Variants in CELF2 observed in about 807,000 individuals in gnomAD.
CELF2 encodes CUGBP Elav-like family member 2, also known as CUG triplet repeat RNA-binding protein 2.
In CELF2, 8 loss-of-function variants were observed where a neutral mutation model predicts 62.6. That is an observed-to-expected ratio of 0.13 (90% CI 0.07 to 0.23). The LOEUF (loss-of-function observed/expected upper bound fraction) is 0.23, where lower values mean the gene tolerates loss of function less well. Among genes scored for constraint, CELF2 ranks in the 10% least tolerant of loss-of-function variants. The pLI is 1.00. For missense variants in CELF2, 333 were observed against 671.0 expected, an observed-to-expected ratio of 0.50 and a Z score of 5.56; for synonymous variants, 258 against 250.0, an observed-to-expected ratio of 1.03 and a Z score of -0.30.
At chr10:11,209,457 A>G (rs1043005533) in intron 2 of CELF2, among the ~76,000 whole-genome samples, 1 of 151,912 alleles carries the variant, frequency 6.6e-6, no homozygotes, top group East Asian at 1.9e-4. Flanking sequence ...AGGATCTCAT[A>G]TCATGTCCTG....
In CELF2 at chr10:11,315,547, C is replaced by T. The variant is rs2938015; in HGVS notation, c.1096+1289C>T. On this transcript the variant is annotated intron_variant, in intron 10 of 12. Coordinates refer to ENST00000633077, the MANE Select transcript of CELF2 (RefSeq NM_001326342.2). The surrounding 1 kb of genome is among the most constrained non-coding windows in gnomAD (Gnocchi z 5.8). ...TTGTATAATCCTGATAAATCATTTT[C>T]AGAATTAGGACATTTTTCAGGTTTT... Among the ~76,000 whole-genome samples the T allele has an allele frequency of 0.36, 55,051 of 152,004 alleles. 11,047 individuals are homozygous for T. Among genetic ancestry groups the T allele is most frequent in the African/African-American group, 0.52 (21,737 of 41,438 alleles).
At chr10:10,497,035 A>T in the CELF2 span, among the ~76,000 whole-genome samples, 5 of 152,130 alleles carry the variant, frequency 3.3e-5, no homozygotes, top group East Asian at 7.7e-4. Flanking sequence ...ACTAAAAAAT[A>T]CAAAAATTAG....
the CELF2 span, among the ~76,000 whole-genome samples, chr10:10,620,917 C>CA: frequency 0.29 from 10,483 of 35,902 alleles, 1,802 homozygotes; most frequent in South Asian, 0.37. Flanking sequence ...GACCCCATCT[C>CA]AAAAAAAAAA....
chr10:11,322,569 C>T (rs1316381928), intron 11 of CELF2, among the ~76,000 whole-genome samples: 1 of 151,634 alleles, frequency 6.6e-6, no homozygotes, highest in Non-Finnish European at 1.5e-5. Context: ...CTTTTACCCT[C>T]ACCCCATAGC....
At chr10:10,534,612 T>C in the CELF2 span, among the ~76,000 whole-genome samples, 7 of 152,364 alleles carry the variant, frequency 4.6e-5, no homozygotes, top group Non-Finnish European at 7.3e-5. Context: ...ACTCAATTTC[T>C]CTTTCCTCAC....
exon 2 of CELF2, chr10:10,919,986 G>A: frequency 8.1e-7 from 1 of 1,231,528 alleles, no homozygotes; most frequent in Non-Finnish European, 1.0e-6. Flanking sequence ...AGAGTTAGCT[G>A]GGAGTCTACC....
intron 1 of CELF2, among the ~76,000 whole-genome samples, chr10:10,901,210 C>G (rs1044445520): frequency 1.3e-5 from 2 of 152,112 alleles, no homozygotes; most frequent in African/African-American, 4.8e-5. Flanking sequence ...CTAAAATAAT[C>G]AAATAACGTT....
the CELF2 span, among the ~76,000 whole-genome samples, chr10:10,623,120 A>C: frequency 0.036 from 5,126 of 143,682 alleles, 254 homozygotes; most frequent in African/African-American, 0.11. Context: ...AAAAAAAAAA[A>C]AATTGGATAA....
chr10:10,735,988 G>A, the CELF2 span, among the ~76,000 whole-genome samples: 4 of 152,110 alleles, frequency 2.6e-5, no homozygotes, highest in Admixed American at 6.5e-5. Flanking sequence ...GCACTAACTC[G>A]ATGTATGAAT....
chr10:10,901,395 C>T (rs953811750), intron 1 of CELF2, among the ~76,000 whole-genome samples: 3 of 152,084 alleles, frequency 2.0e-5, no homozygotes, highest in African/African-American at 7.2e-5. Context: ...AACTGATTTC[C>T]CACAAAGGTG....
the CELF2 span, among the ~76,000 whole-genome samples, chr10:10,645,150 G>A: frequency 6.6e-6 from 1 of 152,166 alleles, no homozygotes; most frequent in Admixed American, 6.5e-5. Flanking sequence ...GGGGGGATGA[G>A]ATGCTGTTGG....
the CELF2 span, among the ~76,000 whole-genome samples, chr10:10,690,252 G>A: frequency 6.6e-6 from 1 of 152,086 alleles, no homozygotes. Context: ...TATGATGCCC[G>A]AATTGCAGGT....
At chr10:11,263,924 G>C (rs115561496) in intron 5 of CELF2, among the ~76,000 whole-genome samples, 1 of 152,330 alleles carries the variant, frequency 6.6e-6, no homozygotes, top group African/African-American at 2.4e-5. Flanking sequence ...GTGACACAGA[G>C]AGTGACATTT....
At chr10:10,472,279 G>T in the CELF2 span, among the ~76,000 whole-genome samples, 1 of 151,614 alleles carries the variant, frequency 6.6e-6, no homozygotes, top group Non-Finnish European at 1.5e-5. Flanking sequence ...TTCTATCAAT[G>T]TGTATCCTCT....
chr10:10,483,937 GTC>G, the CELF2 span, among the ~76,000 whole-genome samples: 1 of 122,952 alleles, frequency 8.1e-6, no homozygotes, highest in Non-Finnish European at 1.7e-5. Flanking sequence ...ACTCTCTCTC[GTC>G]TCTCTCTCTC....
the CELF2 span, among the ~76,000 whole-genome samples, chr10:10,761,428 G>A: frequency 2.6e-5 from 4 of 152,230 alleles, no homozygotes; most frequent in African/African-American, 7.2e-5. Context: ...CATGAAAAAT[G>A]TATGTTGATT....
At chr10:11,137,928 T>C (rs963515376) in intron 1 of CELF2, among the ~76,000 whole-genome samples, 1 of 152,246 alleles carries the variant, frequency 6.6e-6, no homozygotes, top group African/African-American at 2.4e-5. Context: ...TGTTTAGTCA[T>C]TCATAGCATG....
chr10:10,602,116 C>T, the CELF2 span, among the ~76,000 whole-genome samples: 2 of 152,130 alleles, frequency 1.3e-5, no homozygotes, highest in East Asian at 3.8e-4. Context: ...ATATGTACAA[C>T]ATTTTCTTTA....
At chr10:11,030,023 C>A (rs78549730) in intron 1 of CELF2, among the ~76,000 whole-genome samples, 3,628 of 152,264 alleles carry the variant, frequency 0.024, 72 homozygotes, top group Non-Finnish European at 0.037. Flanking sequence ...TTTCCAGATG[C>A]CTGCTCAAGT....
Sources: allele counts gnomAD v4.1 joint callset (sites outside exome capture counted in the v4.1 genomes callset), GRCh38; gene constraint gnomAD v4.1.1; non-coding constraint Gnocchi (gnomAD v3.1); transcripts MANE v1.5; gene names NCBI Gene and HGNC (gene_info 2026-07-23, HGNC 2026-07-21).